The following MBD2 variants were observed in gnomAD, a reference collection of about 807,000 sequenced individuals.
MBD2 encodes the protein methyl-CpG binding domain protein 2.
In MBD2, 9 loss-of-function variants were observed where a neutral mutation model predicts 39.3. The observed-to-expected ratio is 0.23, with a 90% CI of 0.14 to 0.40. The LOEUF (loss-of-function observed/expected upper bound fraction) is 0.40, where lower values mean the gene tolerates loss of function less well. Among genes scored for constraint, MBD2 ranks in the 10% least tolerant of loss-of-function variants. The probability of loss-of-function intolerance (pLI) is 1.00; values close to 1 mark genes in which losing one functional copy is unlikely to be tolerated. For synonymous variants in MBD2, 233 were observed against 211.1 expected (o/e 1.10, Z -0.90); for missense variants, 458 against 532.6 (o/e 0.86, Z 1.38).
Position 54,194,660 on chromosome 18 carries a change from A to G in MBD2, c.703-5649T>C, listed in dbSNP as rs533620465. Among the ~76,000 whole-genome samples the G allele has an allele frequency of 1.4e-4, 22 of 152,152 alleles. No individual in the cohort carries two copies. In the South Asian group the frequency reaches 4.6e-3, roughly 31 times the overall value. On this transcript the variant is annotated intron_variant, in intron 2 of 6. Coordinates refer to ENST00000256429, the MANE Select transcript of MBD2 (RefSeq NM_003927.5). ...TAGAATGGGACAAGGTATAGCATCA[A>G]TTCTATTCCTAGTCTTCCTTTTTCA...
intron 3 of MBD2, among the ~76,000 whole-genome samples, chr18:54,178,326 A>T (rs768589928): frequency 7.2e-5 from 11 of 152,214 alleles, no homozygotes; most frequent in Non-Finnish European, 1.6e-4. Context: ...ATAATCACAA[A>T]ATATTAAAAA....
intron 3 of MBD2, chr18:54,187,902 G>A: frequency 1.0e-6 from 1 of 975,358 alleles, no homozygotes. Context: ...TTCTTCTAGA[G>A]CAACTGTCTG....
intron 1 of MBD2, among the ~76,000 whole-genome samples, chr18:54,216,755 CA>C (rs374595273): frequency 0.028 from 4,073 of 146,668 alleles, 182 homozygotes; most frequent in African/African-American, 0.095. Flanking sequence ...ACACAGCATT[CA>C]AAAAAAAAAA....
chr18:54,163,691 T>G (rs1009196121), intron 5 of MBD2, among the ~76,000 whole-genome samples: 2 of 152,136 alleles, frequency 1.3e-5, no homozygotes, highest in African/African-American at 4.8e-5. Flanking sequence ...AGTTTGTGTC[T>G]TGTCTCATTC....
chr18:54,190,138 C>T (rs1230850929), intron 2 of MBD2, among the ~76,000 whole-genome samples: 1 of 152,050 alleles, frequency 6.6e-6, no homozygotes, highest in Non-Finnish European at 1.5e-5. Flanking sequence ...GTTCTAATTC[C>T]AGCAAACAGA....
chr18:54,194,081 G>A (rs2144316668), intron 2 of MBD2, among the ~76,000 whole-genome samples: 1 of 152,078 alleles, frequency 6.6e-6, no homozygotes, highest in Admixed American at 6.5e-5. Context: ...ATAAGCCAGT[G>A]GCTGTCAAAT....
At chr18:54,164,461 C>A in intron 5 of MBD2, 62 bp downstream of exon 5, 1 of 1,461,522 alleles carries the variant, frequency 6.8e-7, no homozygotes, top group South Asian at 1.2e-5. Context: ...ACCTAATGAA[C>A]AGTAAAAAAT....
chr18:54,182,932 CAA>C (rs113293437), intron 3 of MBD2, among the ~76,000 whole-genome samples: 7 of 133,106 alleles, frequency 5.3e-5, no homozygotes, highest in Admixed American at 7.5e-5. Flanking sequence ...TCCCTGTCTC[CAA>C]AAAAAAAAAA....
At chr18:54,174,624 G>C (rs2086198781) in intron 3 of MBD2, among the ~76,000 whole-genome samples, 1 of 152,218 alleles carries the variant, frequency 6.6e-6, no homozygotes, top group African/African-American at 2.4e-5. Context: ...TGTATTTGCT[G>C]CTAGAAATGT....
At chr18:54,208,443 G>A (rs1385887841) in intron 1 of MBD2, among the ~76,000 whole-genome samples, 2 of 152,192 alleles carry the variant, frequency 1.3e-5, no homozygotes, top group African/African-American at 4.8e-5. Flanking sequence ...GGCAAGCCGA[G>A]ATGGCGCCAC....
chr18:54,216,785 G>A (rs1716079351), intron 1 of MBD2, among the ~76,000 whole-genome samples: 1 of 152,104 alleles, frequency 6.6e-6, no homozygotes, highest in Non-Finnish European at 1.5e-5. Context: ...AGGGGATGAT[G>A]GGCCAGGCGC....
At chr18:54,176,866 C>A (rs2086215642) in intron 3 of MBD2, among the ~76,000 whole-genome samples, 1 of 152,196 alleles carries the variant, frequency 6.6e-6, no homozygotes, top group Admixed American at 6.5e-5. Flanking sequence ...ACAATGTGAT[C>A]TCTCGTTAAG....
intron 1 of MBD2, among the ~76,000 whole-genome samples, chr18:54,218,249 T>C (rs1023519336): frequency 6.6e-6 from 1 of 152,242 alleles, no homozygotes; most frequent in Admixed American, 6.5e-5. Context: ...TCACTTTTAT[T>C]ACTCAGAACA....
intron 2 of MBD2, among the ~76,000 whole-genome samples, chr18:54,194,814 AT>A (rs1179671180): frequency 3.3e-5 from 5 of 152,120 alleles, no homozygotes; most frequent in Non-Finnish European, 7.4e-5. Context: ...CATCAAAAAA[AT>A]TTAACAATCA....
chr18:54,189,412 C>T (rs1486633425), intron 2 of MBD2, among the ~76,000 whole-genome samples: 2 of 150,816 alleles, frequency 1.3e-5, no homozygotes, highest in African/African-American at 2.4e-5. Flanking sequence ...TCAGTAGAGA[C>T]GGGGTTTCAC....
chr18:54,210,866 A>ATTTTT (rs74180457), intron 1 of MBD2, among the ~76,000 whole-genome samples: 1 of 99,358 alleles, frequency 1.0e-5, no homozygotes, highest in Non-Finnish European at 1.9e-5. Context: ...TCAACTTTCT[A>ATTTTT]TTTTTTTTTT....
Position 54,152,522 on chromosome 18 carries a change from T to A in MBD2, c.*2802A>T, listed in dbSNP as rs184371582. The A allele has an allele frequency of 6.6e-6, 1 of 152,106 alleles. No homozygotes were observed. The highest frequency in any genetic ancestry group is 1.5e-5 in the Non-Finnish European group (1 of 68,022). 9.4% of individuals were successfully genotyped at this position (152,106 alleles called of 1,614,324 possible). A position where few individuals can be genotyped will look rare whatever the true frequency, so the allele number is the denominator to read the frequency against. Reference sequence around the variant, plus strand: ...TGTAACGGGAAATCAGACAAACACATCCTTGCTCTCATGGAGCTTACATTC... The same window carrying A: ...TGTAACGGGAAATCAGACAAACACAACCTTGCTCTCATGGAGCTTACATTC... On this transcript the variant is annotated 3_prime_UTR_variant, in exon 7 of 7. Coordinates refer to ENST00000256429, the MANE Select transcript of MBD2 (RefSeq NM_003927.5).
intron 2 of MBD2, among the ~76,000 whole-genome samples, chr18:54,197,407 C>T (rs752819353): frequency 1.3e-5 from 2 of 152,212 alleles, no homozygotes; most frequent in Non-Finnish European, 2.9e-5. Flanking sequence ...CCAACCTGGC[C>T]TTTTTGTCTT....
chr18:54,193,049 A>G (rs1316856330), intron 2 of MBD2, among the ~76,000 whole-genome samples: 2 of 152,222 alleles, frequency 1.3e-5, no homozygotes, highest in Admixed American at 6.5e-5. Flanking sequence ...CTAAAACAGT[A>G]TCACATGAAG....
Sources: allele counts gnomAD v4.1 joint callset (sites outside exome capture counted in the v4.1 genomes callset), GRCh38; gene constraint gnomAD v4.1.1; transcripts MANE v1.5; gene names NCBI Gene and HGNC (gene_info 2026-07-23, HGNC 2026-07-21).